Variants in ADCY8 observed in about 807,000 individuals in gnomAD.
ADCY8 encodes adenylate cyclase type 8.
In ADCY8, 51 loss-of-function variants were observed where a neutral mutation model predicts 119.7. That is an observed-to-expected ratio of 0.43 (90% confidence interval 0.34 to 0.54). The LOEUF is 0.54. Ranked by LOEUF, ADCY8 falls within the 20% of genes least tolerant of loss-of-function variation. ADCY8 has a pLI of 0.03. For synonymous variants in ADCY8, 665 were observed against 651.0 expected (o/e 1.02, Z -0.33); for missense variants, 1,383 against 1,598.8 (o/e 0.87, Z 2.30).
At chr8:130,790,538 T>C (rs1006713332) in intron 15 of ADCY8, among the ~76,000 whole-genome samples, 3 of 152,202 alleles carry the variant, frequency 2.0e-5, no homozygotes, top group African/African-American at 7.2e-5. Flanking sequence ...CCTCCTCAAC[T>C]TTCTAAATAT....
chr8:130,888,737 G>A lies in ADCY8; in HGVS notation c.1912-3976C>T, dbSNP rs142669569. ...GTAAATTGCATTTGAATGGGCTGGG[G>A]GAAGTCACAAATCCTCTTAAGCTCA... On this transcript the variant is annotated intron_variant, in intron 7 of 17. Transcript: ENST00000286355. Among the ~76,000 whole-genome samples the A allele has an allele frequency of 2.4e-3, 367 of 152,158 alleles. 1 individual carries two copies. Among genetic ancestry groups the A allele is most frequent in the Non-Finnish European group, 4.5e-3 (306 of 67,994 alleles).
chr8:130,803,435 C>T (rs1355968997), intron 14 of ADCY8, among the ~76,000 whole-genome samples: 2 of 152,218 alleles, frequency 1.3e-5, no homozygotes, highest in African/African-American at 2.4e-5. Flanking sequence ...ACATGCCATT[C>T]ATCTTATTGC....
At chr8:130,790,571 TG>T (rs1184107265) in intron 15 of ADCY8, among the ~76,000 whole-genome samples, 15 of 152,186 alleles carry the variant, frequency 9.9e-5, no homozygotes, top group African/African-American at 3.6e-4. Flanking sequence ...GACTTTAACC[TG>T]GAGTTTGCAG....
chr8:130,867,647 G>T (rs1039138899), intron 9 of ADCY8, among the ~76,000 whole-genome samples, 199 bp downstream of exon 9: 3 of 152,190 alleles, frequency 2.0e-5, no homozygotes, highest in Non-Finnish European at 4.4e-5. Flanking sequence ...TTGGGAAAAA[G>T]ATTATTGTCT....
In ADCY8 at chr8:130,947,876, T is replaced by C. The variant is rs556182950; in HGVS notation, c.1241+3992A>G. On this transcript the variant is annotated intron_variant, in intron 3 of 17. Coordinates refer to ENST00000286355, the MANE Select transcript of ADCY8 (RefSeq NM_001115.3). ...CTGTCCACCAGATCCATGCCTCTAT[T>C]TGCATAGTCAATCCACCTGTCACTA... Among the ~76,000 whole-genome samples, 50 of 152,254 alleles carry C rather than the reference T, an allele frequency of 3.3e-4. No individual in the cohort carries two copies. The South Asian group carries it at 0.01, about 32-fold the overall frequency.
At chr8:131,011,512 A>C (rs1032977376) in intron 1 of ADCY8, among the ~76,000 whole-genome samples, 2 of 152,158 alleles carry the variant, frequency 1.3e-5, no homozygotes, top group African/African-American at 4.8e-5. Flanking sequence ...CCACATTCTC[A>C]GTGCCTGACC....
intron 6 of ADCY8, among the ~76,000 whole-genome samples, chr8:130,905,663 A>G (rs1490643541): frequency 6.6e-6 from 1 of 152,172 alleles, no homozygotes; most frequent in Non-Finnish European, 1.5e-5. Flanking sequence ...GTTTGAGACC[A>G]GCCTGGGCAA....
At chr8:130,792,137 G>A (rs1815443345) in intron 15 of ADCY8, among the ~76,000 whole-genome samples, 1 of 152,108 alleles carries the variant, frequency 6.6e-6, no homozygotes, top group South Asian at 2.1e-4. Flanking sequence ...CTTCTCTTGG[G>A]CTACCAGCAG....
chr8:130,785,408 A>G lies in ADCY8; in HGVS notation c.3128T>C (p.Val1043Ala). The G allele has an allele frequency of 6.2e-7, 1 of 1,608,630 alleles. No individual in the cohort carries two copies. Among genetic ancestry groups the G allele is most frequent in the Non-Finnish European group, 8.5e-7 (1 of 1,177,396 alleles). Residue 1043 changes from valine to alanine, a missense_variant, in exon 16 of 18, where the codon GTG (valine) becomes GCG (alanine). Around this residue, in one of 2 missense-constraint regions of ADCY8, gnomAD observed 928 missense variants for 1,163.5 expected, o/e 0.80. Coordinates refer to ENST00000286355, the MANE Select transcript of ADCY8 (RefSeq NM_001115.3). ...CTGTTTTTCAGGTGACAGGCCTGAC[A>G]CGGCCATGTAGGTGCTGCCAATGGT... ...IKTIGSTYMA[V>A]SGLSPEKQQC...
chr8:130,945,019 T>G (rs73348507), intron 3 of ADCY8, among the ~76,000 whole-genome samples: 9,872 of 152,192 alleles, frequency 0.065, 1,057 homozygotes, highest in African/African-American at 0.22. Flanking sequence ...AAGTCTCAGC[T>G]GGTTCTTGAA....
intron 5 of ADCY8, among the ~76,000 whole-genome samples, chr8:130,928,986 A>G (rs1273371253): frequency 6.6e-6 from 1 of 151,818 alleles, no homozygotes; most frequent in Non-Finnish European, 1.5e-5. Flanking sequence ...GTCTATTAAG[A>G]TTTTCTATTT....
At chr8:130,996,774 G>A (rs1325050649) in intron 1 of ADCY8, among the ~76,000 whole-genome samples, 1 of 152,098 alleles carries the variant, frequency 6.6e-6, no homozygotes, top group African/African-American at 2.4e-5. Flanking sequence ...AGAAAAATGT[G>A]AGCAAAGTCT....
intron 2 of ADCY8, among the ~76,000 whole-genome samples, chr8:130,983,643 G>A (rs1198361413): frequency 6.6e-6 from 1 of 152,144 alleles, no homozygotes; most frequent in Non-Finnish European, 1.5e-5. Context: ...GTGATGCAGG[G>A]TAAATGAAAT....
At chr8:131,023,206 T>C (rs1003440602) in intron 1 of ADCY8, among the ~76,000 whole-genome samples, 1 of 152,188 alleles carries the variant, frequency 6.6e-6, no homozygotes, top group African/African-American at 2.4e-5. Context: ...AAGTGCTAGA[T>C]ATCACAGCCA....
intron 9 of ADCY8, among the ~76,000 whole-genome samples, chr8:130,859,739 A>C (rs998701643): frequency 2.0e-5 from 3 of 152,196 alleles, no homozygotes; most frequent in Non-Finnish European, 4.4e-5. Context: ...TCAGGTATAT[A>C]CCATTACAGT....
intron 7 of ADCY8, among the ~76,000 whole-genome samples, chr8:130,902,387 A>T (rs1819631484): frequency 6.6e-6 from 1 of 152,204 alleles, no homozygotes; most frequent in Admixed American, 6.5e-5. Flanking sequence ...TAGGCATTGC[A>T]ATCAGTTATG....
chr8:130,911,826 T>C (rs896184501), intron 5 of ADCY8, among the ~76,000 whole-genome samples: 1 of 151,678 alleles, frequency 6.6e-6, no homozygotes, highest in African/African-American at 2.4e-5. Flanking sequence ...TTCATATAAT[T>C]TTATTAATAA....
intron 3 of ADCY8, among the ~76,000 whole-genome samples, chr8:130,948,085 T>C (rs1288198968): frequency 2.0e-5 from 3 of 152,152 alleles, no homozygotes; most frequent in African/African-American, 7.2e-5. Flanking sequence ...CTGGGAACTT[T>C]GAGGCCCAAG....
chr8:131,021,917 T>C (rs1478810414), intron 1 of ADCY8, among the ~76,000 whole-genome samples: 1 of 152,204 alleles, frequency 6.6e-6, no homozygotes, highest in African/African-American at 2.4e-5. Flanking sequence ...TGGCTTATCA[T>C]TTTCAAACAT....
Sources: allele counts gnomAD v4.1 joint callset (sites outside exome capture counted in the v4.1 genomes callset), GRCh38; gene constraint gnomAD v4.1.1; regional missense constraint gnomAD v4.1.1; transcripts MANE v1.5; gene names NCBI Gene and HGNC (gene_info 2026-07-23, HGNC 2026-07-21).